PTPRJ: variants seen among roughly 807,000 people sequenced by gnomAD.
PTPRJ encodes the protein receptor-type tyrosine-protein phosphatase eta.
In PTPRJ, 129 loss-of-function variants were observed where a neutral mutation model predicts 141.3. That is an observed-to-expected ratio of 0.91 (90% CI 0.79 to 1.06). The LOEUF is 1.06. Ranked by LOEUF, PTPRJ falls within the 50% of genes least tolerant of loss-of-function variation. The pLI is 0.00. For missense variants in PTPRJ, 1,601 were observed against 1,679.7 expected, an observed-to-expected ratio of 0.95 and a Z score of 0.82; for synonymous variants, 610 against 640.5, an observed-to-expected ratio of 0.95 and a Z score of 0.72.
intron 1 of PTPRJ, among the ~76,000 whole-genome samples, chr11:48,012,796 C>A (rs1297630571): frequency 2.0e-5 from 3 of 152,064 alleles, no homozygotes; most frequent in Non-Finnish European, 4.4e-5. Context: ...CAGTAAAATT[C>A]ACCCATTTAA....
intron 1 of PTPRJ, among the ~76,000 whole-genome samples, chr11:48,030,643 T>G (rs946993304): frequency 1.3e-5 from 2 of 152,134 alleles, no homozygotes; most frequent in Non-Finnish European, 2.9e-5. Context: ...CTAGGGGAGC[T>G]GAGGCAGGAG....
chr11:48,030,563 C>G (rs1237924), intron 1 of PTPRJ, among the ~76,000 whole-genome samples: 8,645 of 152,032 alleles, frequency 0.057, 791 homozygotes, highest in African/African-American at 0.19. Context: ...GCCAGCATGG[C>G]GAAACACCAT....
intron 1 of PTPRJ, among the ~76,000 whole-genome samples, chr11:48,077,247 T>C (rs1462969073): frequency 1.3e-5 from 2 of 152,180 alleles, no homozygotes; most frequent in African/African-American, 4.8e-5. Flanking sequence ...AATAAAGCCT[T>C]AACTTGTATG....
intron 1 of PTPRJ, among the ~76,000 whole-genome samples, chr11:47,987,165 C>T (rs749304265): frequency 7.2e-5 from 11 of 151,842 alleles, no homozygotes; most frequent in Middle Eastern, 3.4e-3. Context: ...ACCTTGATAG[C>T]GCCACTGCAC....
At chr11:48,105,186 C>T (rs1253164129) in intron 1 of PTPRJ, among the ~76,000 whole-genome samples, 5 of 152,076 alleles carry the variant, frequency 3.3e-5, no homozygotes, top group Non-Finnish European at 7.4e-5. Flanking sequence ...CTCTCCCTCC[C>T]CATCCCTCAA....
At chr11:47,997,084 T>C (rs1375336384) in intron 1 of PTPRJ, among the ~76,000 whole-genome samples, 1 of 152,240 alleles carries the variant, frequency 6.6e-6, no homozygotes, top group East Asian at 1.9e-4. Context: ...ATCTCAGCCC[T>C]ATTGACATTT....
At chr11:48,082,922 G>T (rs948129967) in intron 1 of PTPRJ, among the ~76,000 whole-genome samples, 3 of 152,204 alleles carry the variant, frequency 2.0e-5, no homozygotes, top group Non-Finnish European at 4.4e-5. Context: ...TGTGCTGTAT[G>T]GGTGCAAGGG....
chr11:48,130,265 T>C (rs1249404630), intron 7 of PTPRJ, among the ~76,000 whole-genome samples, 194 bp from the exon 8 acceptor site: 1 of 152,044 alleles, frequency 6.6e-6, no homozygotes, highest in Non-Finnish European at 1.5e-5. Flanking sequence ...TGCACTCTCA[T>C]GATCAAGTGC....
intron 1 of PTPRJ, among the ~76,000 whole-genome samples, chr11:48,004,762 C>CAA (rs1160805620): frequency 6.6e-6 from 1 of 151,980 alleles, no homozygotes; most frequent in Non-Finnish European, 1.5e-5. Flanking sequence ...AGGATGCCTG[C>CAA]GTGATTTAGA....
chr11:48,082,615 T>TGG (rs1855594155), intron 1 of PTPRJ, among the ~76,000 whole-genome samples: 1 of 148,618 alleles, frequency 6.7e-6, no homozygotes, highest in Non-Finnish European at 1.5e-5. Context: ...AGCCTGATAT[T>TGG]GCTATTTTTT....
intron 22 of PTPRJ, among the ~76,000 whole-genome samples, chr11:48,162,601 T>G (rs1202417287): frequency 6.6e-6 from 1 of 152,174 alleles, no homozygotes; most frequent in Non-Finnish European, 1.5e-5. Flanking sequence ...AATATACATT[T>G]CAAAAAATGA....
chr11:48,078,158 A>G (rs1041208008), intron 1 of PTPRJ, among the ~76,000 whole-genome samples: 1 of 150,918 alleles, frequency 6.6e-6, no homozygotes, highest in Admixed American at 6.6e-5. Flanking sequence ...GCCCAGATTC[A>G]AGCAATTTTC....
In PTPRJ at chr11:48,149,346, A is replaced by G. The variant is rs1857423300; in HGVS notation, c.3000-101A>G. ...GAACTAATGCCTGAGGAAAAGGTGT[A>G]ACACCTTTATTTCATAGATGACATC... is the stretch of plus-strand genomic sequence containing the variant. On this transcript the variant is annotated intron_variant, in intron 15 of 24. Transcript: ENST00000418331. 3 of 805,842 alleles carry G rather than the reference A, an allele frequency of 3.7e-6. No individual in the cohort carries two copies. The South Asian group carries it at 4.9e-5, about 13-fold the overall frequency. The allele number at this position is 805,842 out of a possible 1,614,324, so 49.9% of individuals were successfully genotyped here.
intron 18 of PTPRJ, among the ~76,000 whole-genome samples, chr11:48,152,677 A>C (rs916319489): frequency 1.3e-5 from 2 of 152,210 alleles, no homozygotes; most frequent in Non-Finnish European, 2.9e-5. Context: ...CATTTATTAA[A>C]TTGGGAATCC....
intron 1 of PTPRJ, among the ~76,000 whole-genome samples, chr11:48,095,908 G>A (rs1855992140): frequency 6.6e-6 from 1 of 152,118 alleles, no homozygotes; most frequent in Non-Finnish European, 1.5e-5. Context: ...GCAAGAGCTT[G>A]CAGAAGTTCT....
chr11:48,044,646 C>A (rs1012919683), intron 1 of PTPRJ, among the ~76,000 whole-genome samples: 2 of 152,148 alleles, frequency 1.3e-5, no homozygotes, highest in Non-Finnish European at 2.9e-5. Context: ...TGTTTCAGAT[C>A]GTAAGGTAGT....
intron 1 of PTPRJ, among the ~76,000 whole-genome samples, chr11:48,037,730 T>G (rs1854163356): frequency 6.6e-6 from 1 of 152,066 alleles, no homozygotes; most frequent in Non-Finnish European, 1.5e-5. Flanking sequence ...GGAGAATCGC[T>G]TGAACCCAGG....
chr11:48,004,911 T>C (rs935866866), intron 1 of PTPRJ, among the ~76,000 whole-genome samples: 7 of 152,104 alleles, frequency 4.6e-5, no homozygotes, highest in Admixed American at 3.3e-4. Context: ...TACAGTAAAA[T>C]TCATCCATTT....
chr11:48,132,085 A>T, intron 8 of PTPRJ: 1 of 957,276 alleles, frequency 1.0e-6, no homozygotes, highest in Non-Finnish European at 1.2e-6. Context: ...AAGATGGTAA[A>T]GAAGTCCTGA....
Sources: allele counts gnomAD v4.1 joint callset (sites outside exome capture counted in the v4.1 genomes callset), GRCh38; gene constraint gnomAD v4.1.1; transcripts MANE v1.5; gene names NCBI Gene and HGNC (gene_info 2026-07-23, HGNC 2026-07-21).